CEP112: variants seen among roughly 807,000 people sequenced by gnomAD.
The protein encoded by CEP112 is centrosomal protein of 112 kDa.
A neutral mutation model predicts 153.0 loss-of-function variants in CEP112; 127 were observed. The ratio of observed to expected loss-of-function variants is 0.83; its 90% confidence interval spans 0.72 to 0.96. The LOEUF is 0.96. CEP112 is among the 40% of genes least tolerant of loss of function. The probability of loss-of-function intolerance (pLI) is 0.00; values close to 1 mark genes in which losing one functional copy is unlikely to be tolerated. For missense variants in CEP112, 1,089 were observed against 1,101.2 expected (o/e 0.99, Z 0.16); for synonymous variants, 358 against 374.4 (o/e 0.96, Z 0.51).
rs369425630 is a variant in CEP112, at chr17:66,109,051, G to A, written c.643-12419C>T. On this transcript the variant is annotated intron_variant, in intron 6 of 26. Coordinates refer to ENST00000535342, the MANE Select transcript of CEP112 (RefSeq NM_001199165.4). ...CTTGACATGTTCTCAATTATTTGTG[G>A]GAGTTAAAAATTAAAACAGTTGAAC... is the stretch of plus-strand genomic sequence containing the variant. 3.9e-5 allele frequency among the ~76,000 whole-genome samples: 6 copies of A among 152,204 alleles called. No individual in the cohort carries two copies. In the East Asian group the frequency reaches 7.7e-4, roughly 20 times the overall value.
intron 20 of CEP112, among the ~76,000 whole-genome samples, chr17:65,898,763 G>A (rs1193154622): frequency 6.6e-6 from 1 of 152,088 alleles, no homozygotes; most frequent in Non-Finnish European, 1.5e-5. Context: ...ATGGCTGCTG[G>A]TTACCCTAGG....
intron 18 of CEP112, among the ~76,000 whole-genome samples, chr17:65,954,661 T>C (rs1346382629): frequency 6.6e-6 from 1 of 151,646 alleles, no homozygotes; most frequent in Non-Finnish European, 1.5e-5. Flanking sequence ...ACAGCATATA[T>C]AAAAAACAAT....
At chr17:66,171,504 C>A (rs1451238242) in intron 4 of CEP112, among the ~76,000 whole-genome samples, 2 of 152,050 alleles carry the variant, frequency 1.3e-5, no homozygotes, top group Non-Finnish European at 2.9e-5. Context: ...TATATTAAGT[C>A]AAGATTAGCA....
intron 18 of CEP112, among the ~76,000 whole-genome samples, chr17:65,950,912 G>A (rs894591422): frequency 2.0e-5 from 3 of 152,032 alleles, no homozygotes; most frequent in South Asian, 2.1e-4. Context: ...AATTTGCTTC[G>A]AGTCCTAATT....
Position 65,986,024 on chromosome 17 carries a change from T to C in CEP112, c.1736+19666A>G, listed in dbSNP as rs188499015. On this transcript the variant is annotated intron_variant, in intron 17 of 26. Transcript: ENST00000535342. The stretch of plus-strand genomic sequence containing the variant: ...ATCCATTATGCAACTGTAAAGAGAA[T>C]TGAAGTAATAGATCACATTTCAAAA... 8.9e-4 allele frequency among the ~76,000 whole-genome samples: 136 copies of C among 152,224 alleles called. 3 individuals carry two copies. The highest frequency in any genetic ancestry group is 8.9e-3 in the South Asian group (43 of 4,822).
chr17:65,660,460 CTCCTTCCTTCCTTCCTTCCT>C (rs143750694), intron 24 of CEP112, among the ~76,000 whole-genome samples: 7,814 of 78,202 alleles, frequency 0.1, 423 homozygotes, highest in South Asian at 0.23. Flanking sequence ...TCTTCTCTCT[CTCCTTCCTTCCTTCCTTCCT>C]TCCTTCCTTC....
At chr17:65,794,031 C>T (rs1201160694) in intron 21 of CEP112, among the ~76,000 whole-genome samples, 2 of 152,186 alleles carry the variant, frequency 1.3e-5, no homozygotes, top group Non-Finnish European at 2.9e-5. Flanking sequence ...AAACTTCTGT[C>T]TATTCAACAT....
intron 19 of CEP112, among the ~76,000 whole-genome samples, chr17:65,916,283 GTGTGTGTGTA>G (rs891821915): frequency 9.5e-6 from 1 of 105,560 alleles, no homozygotes; most frequent in Non-Finnish European, 2.1e-5. Context: ...GTGTGTGTGT[GTGTGTGTGTA>G]TGTGTGGTAG....
At chr17:65,903,534 T>C (rs1193789483) in intron 19 of CEP112, among the ~76,000 whole-genome samples, 2 of 152,106 alleles carry the variant, frequency 1.3e-5, no homozygotes, top group African/African-American at 4.8e-5. Context: ...CTTATTGTGA[T>C]TAAAGAGTAG....
At chr17:66,054,965 T>C (rs1299547330) in intron 11 of CEP112, among the ~76,000 whole-genome samples, 1 of 152,182 alleles carries the variant, frequency 6.6e-6, no homozygotes, top group Non-Finnish European at 1.5e-5. Context: ...ACCATGTTGG[T>C]CAGCTTGGTC....
chr17:65,834,170 C>T (rs979700684), intron 21 of CEP112, among the ~76,000 whole-genome samples: 4 of 152,082 alleles, frequency 2.6e-5, no homozygotes, highest in African/African-American at 9.7e-5. Context: ...GAAGCTGAAT[C>T]CCTTCCTTAA....
At chr17:65,717,282 C>T (rs1010558695) in intron 23 of CEP112, among the ~76,000 whole-genome samples, 14 of 152,110 alleles carry the variant, frequency 9.2e-5, no homozygotes, top group Non-Finnish European at 2.1e-4. Flanking sequence ...GTGGGCCTCA[C>T]GCAAGTGGCT....
intron 23 of CEP112, among the ~76,000 whole-genome samples, chr17:65,740,513 G>A (rs760412011): frequency 1.3e-5 from 2 of 152,100 alleles, no homozygotes; most frequent in Non-Finnish European, 2.9e-5. Flanking sequence ...CCCTTTAAGT[G>A]GGTTTCAGTA....
At chr17:66,178,391 G>A (rs1317844053) in intron 2 of CEP112, among the ~76,000 whole-genome samples, 3 of 152,082 alleles carry the variant, frequency 2.0e-5, no homozygotes, top group African/African-American at 7.2e-5. Flanking sequence ...TAGATCTTTT[G>A]CCCATTTTTA....
chr17:65,873,545 T>C (rs1194436515), intron 20 of CEP112: 1 of 152,122 alleles, frequency 6.6e-6, no homozygotes, highest in East Asian at 1.9e-4. Context: ...TGCCACCCCC[T>C]GCAGTACTGA....
At chr17:65,680,770 G>C (rs1025600475) in intron 24 of CEP112, among the ~76,000 whole-genome samples, 2 of 152,210 alleles carry the variant, frequency 1.3e-5, no homozygotes, top group African/African-American at 4.8e-5. Context: ...GTTCTGCATG[G>C]CTGGGAGGCC....
intron 12 of CEP112, 116 bp from the exon 13 acceptor site, chr17:66,030,139 T>C (rs2065401905): frequency 3.8e-6 from 3 of 783,290 alleles, no homozygotes; most frequent in South Asian, 2.6e-5. Flanking sequence ...AAATGTATCA[T>C]AAACCATGGT....
chr17:65,691,986 A>G (rs1463649847), intron 23 of CEP112, among the ~76,000 whole-genome samples: 1 of 152,196 alleles, frequency 6.6e-6, no homozygotes, highest in Admixed American at 6.5e-5. Flanking sequence ...GGCTTCATCA[A>G]CTGGCTTGGT....
intron 20 of CEP112, among the ~76,000 whole-genome samples, chr17:65,869,524 T>C (rs2058582646): frequency 6.6e-6 from 1 of 151,208 alleles, no homozygotes; most frequent in Admixed American, 6.6e-5. Context: ...ACTAGTAAAC[T>C]ACAAGATGAA....
Sources: gnomAD v4.1 joint callset for allele counts (sites outside exome capture counted in the v4.1 genomes callset) on GRCh38, gnomAD v4.1.1 for gene constraint, MANE v1.5 for transcripts, NCBI Gene and HGNC (gene_info 2026-07-23, HGNC 2026-07-21) for gene names.